The following SHROOM4 variants were observed in gnomAD, a reference collection of about 807,000 sequenced individuals.
SHROOM4 encodes the protein shroom family member 4, also known as protein Shroom4.
In SHROOM4, 17 loss-of-function variants were observed where a neutral mutation model predicts 80.3. That is an observed-to-expected ratio of 0.21 (90% CI 0.14 to 0.32). SHROOM4 has a LOEUF of 0.32. Among genes scored for constraint, SHROOM4 ranks in the 10% least tolerant of loss-of-function variants. The probability of loss-of-function intolerance (pLI) is 1.00; values close to 1 mark genes in which losing one functional copy is unlikely to be tolerated. For missense variants in SHROOM4, 993 were observed against 1,140.3 expected, an observed-to-expected ratio of 0.87 and a Z score of 1.86; for synonymous variants, 400 against 437.5, an observed-to-expected ratio of 0.91 and a Z score of 1.07.
intron 2 of SHROOM4, among the ~76,000 whole-genome samples, chrX:50,653,293 T>C (rs1416533705): frequency 2.7e-5 from 3 of 111,506 alleles, no homozygotes; most frequent in South Asian, 3.8e-4. Flanking sequence ...CCCTTGTAAG[T>C]TGTATTCCTA....
intron 1 of SHROOM4, among the ~76,000 whole-genome samples, chrX:50,797,794 T>G (rs1409151310): frequency 9.0e-6 from 1 of 111,131 alleles, no homozygotes; most frequent in African/African-American, 3.3e-5. Flanking sequence ...ACACTGAGCA[T>G]GCACGTATAT....
intron 7 of SHROOM4, among the ~76,000 whole-genome samples, chrX:50,601,456 G>C (rs782692180): frequency 1.8e-4 from 20 of 112,183 alleles, no homozygotes; most frequent in Admixed American, 1.3e-3. Context: ...AAGGACTCTT[G>C]CAAATGGCCC....
intron 6 of SHROOM4, among the ~76,000 whole-genome samples, chrX:50,606,987 A>G: frequency 9.2e-6 from 1 of 108,342 alleles, no homozygotes; most frequent in East Asian, 3.0e-4. Flanking sequence ...AGGCAGGAAA[A>G]GTGCCTGAGC....
At chrX:50,756,219 A>AT (rs1479451237) in intron 1 of SHROOM4, among the ~76,000 whole-genome samples, 1 of 111,888 alleles carries the variant, frequency 8.9e-6, no homozygotes, top group Non-Finnish European at 1.9e-5. Context: ...TTTTTTGAAC[A>AT]TTTCATATAC....
chrX:50,619,418 A>T (rs1930480727), intron 5 of SHROOM4, among the ~76,000 whole-genome samples: 1 of 111,599 alleles, frequency 9.0e-6, no homozygotes, highest in Non-Finnish European at 1.9e-5. Flanking sequence ...TATTTGCAAG[A>T]TCCAGGAAGT....
chrX:50,596,143 A>C lies in SHROOM4; in HGVS notation c.*552T>G. 3.0e-6 allele frequency: 1 copy of C among 329,762 alleles called. No individual in the cohort carries two copies. The allele number at this position is 329,762 out of a possible 1,213,427, so 27.2% of individuals were successfully genotyped here. A position where few individuals can be genotyped will look rare whatever the true frequency, so the allele number is the denominator to read the frequency against. On this transcript the variant is annotated 3_prime_UTR_variant, in exon 9 of 9. Transcript: ENST00000376020. ...TCCTAAGGGGCACCTGGGGGTACTC[A>C]ACCTTTGCTTGCATTTTTTTCAGTG...
intron 1 of SHROOM4, among the ~76,000 whole-genome samples, chrX:50,736,237 G>A (rs1280627875): frequency 3.6e-5 from 4 of 110,601 alleles, no homozygotes; most frequent in African/African-American, 1.3e-4. Context: ...AGCCACTGTG[G>A]AAAGCAGTCT....
intron 2 of SHROOM4, among the ~76,000 whole-genome samples, chrX:50,689,639 C>T (rs1444533547): frequency 8.9e-6 from 1 of 111,833 alleles, no homozygotes; most frequent in Non-Finnish European, 1.9e-5. Flanking sequence ...TAATTGATTA[C>T]TGTGGTCTAT....
intron 7 of SHROOM4, among the ~76,000 whole-genome samples, chrX:50,600,483 T>C (rs1392920920): frequency 8.9e-6 from 1 of 111,824 alleles, no homozygotes; most frequent in Non-Finnish European, 1.9e-5. Context: ...AAGATAACAA[T>C]AGGACCTACC....
At chrX:50,807,056 T>C (rs1356047921) in intron 1 of SHROOM4, among the ~76,000 whole-genome samples, 2 of 112,491 alleles carry the variant, frequency 1.8e-5, no homozygotes, top group Non-Finnish European at 3.8e-5. Context: ...GTAACCATTA[T>C]AAATAACATT....
chrX:50,767,739 T>G (rs1178741878), intron 1 of SHROOM4, among the ~76,000 whole-genome samples: 1 of 111,765 alleles, frequency 8.9e-6, no homozygotes, highest in Non-Finnish European at 1.9e-5. Context: ...CTGTTTGCCT[T>G]TCATGAACGC....
intron 2 of SHROOM4, among the ~76,000 whole-genome samples, chrX:50,642,770 G>A (rs1931652893): frequency 8.9e-6 from 1 of 112,012 alleles, no homozygotes; most frequent in Non-Finnish European, 1.9e-5. Flanking sequence ...CAGCTGGTAA[G>A]TTATTATCCC....
chrX:50,768,660 C>A (rs1399398060), intron 1 of SHROOM4, among the ~76,000 whole-genome samples: 2 of 112,251 alleles, frequency 1.8e-5, no homozygotes, highest in African/African-American at 3.2e-5. Context: ...CACCTATGAA[C>A]GTGAGCTGCT....
chrX:50,649,456 CT>C (rs1931959571), intron 2 of SHROOM4, among the ~76,000 whole-genome samples: 2 of 111,398 alleles, frequency 1.8e-5, no homozygotes, highest in Non-Finnish European at 3.8e-5. Context: ...GGAAGAAGAG[CT>C]GGTAATAGAG....
At chrX:50,654,350 G>A (rs1325273638) in intron 2 of SHROOM4, among the ~76,000 whole-genome samples, 1 of 111,312 alleles carries the variant, frequency 9.0e-6, no homozygotes, top group African/African-American at 3.3e-5. Flanking sequence ...TCTTTCTGAG[G>A]TATTTACATT....
chrX:50,675,526 A>T (rs1309437415), intron 2 of SHROOM4, among the ~76,000 whole-genome samples: 1 of 110,962 alleles, frequency 9.0e-6, no homozygotes, highest in Non-Finnish European at 1.9e-5. Flanking sequence ...AGGAGAGGGC[A>T]TTCTTGTTTC....
chrX:50,805,791 T>C (rs1216286552), intron 1 of SHROOM4, among the ~76,000 whole-genome samples: 2 of 111,711 alleles, frequency 1.8e-5, no homozygotes, highest in African/African-American at 6.5e-5. Flanking sequence ...GATAAAAGAA[T>C]ATAAGAACAG....
intron 1 of SHROOM4, among the ~76,000 whole-genome samples, chrX:50,787,422 T>C (rs782681257): frequency 9.0e-6 from 1 of 110,814 alleles, no homozygotes; most frequent in Admixed American, 9.6e-5. Context: ...AAGGCCATGA[T>C]CAAGTAGACC....
Position 50,633,976 on chromosome X carries a change from G to C in SHROOM4, c.2097C>G (p.Asn699Lys), listed in dbSNP as rs369829884. Residue 699 changes from asparagine (N) to lysine (K), a missense_variant, in exon 4 of 9, where the codon AAC becomes AAG. Transcript: ENST00000376020. ...ATGGGTCAGGTGCTTTCCACCAGGT[G>C]TTCAGGCCCAAAGAGGACTGGCCAG... The part of the protein sequence containing the change: ...QRPGQSSLGL[N>K]TWWKAPDPSS... 2 of 1,211,921 alleles carry C rather than the reference G, an allele frequency of 1.7e-6. No individual in the cohort carries two copies. The highest frequency in any genetic ancestry group is 2.2e-6 in the Non-Finnish European group (2 of 895,523).
Sources: gnomAD v4.1 joint callset for allele counts (sites outside exome capture counted in the v4.1 genomes callset) on GRCh38, gnomAD v4.1.1 for gene constraint, MANE v1.5 for transcripts, NCBI Gene and HGNC (gene_info 2026-07-23, HGNC 2026-07-21) for gene names.